MAGI1: variants seen among roughly 807,000 people sequenced by gnomAD.
The protein encoded by MAGI1 is membrane associated guanylate kinase, WW and PDZ domain containing 1, also known as membrane-associated guanylate kinase, WW and PDZ domain-containing protein 1.
A neutral mutation model predicts 139.9 loss-of-function variants in MAGI1; 58 were observed. The observed-to-expected ratio is 0.41, with a 90% CI of 0.34 to 0.52. MAGI1 has a LOEUF of 0.52. Among genes scored for constraint, MAGI1 ranks in the 20% least tolerant of loss-of-function variants. The probability of loss-of-function intolerance (pLI) is 0.12; values close to 1 mark genes in which losing one functional copy is unlikely to be tolerated. For missense variants in MAGI1, 1,874 were observed against 1,901.6 expected (o/e 0.99, Z 0.27); for synonymous variants, 812 against 737.9 (o/e 1.10, Z -1.63).
chr3:65,541,664 A>G (rs1346753525), intron 2 of MAGI1, among the ~76,000 whole-genome samples: 1 of 152,232 alleles, frequency 6.6e-6, no homozygotes, highest in Non-Finnish European at 1.5e-5. Flanking sequence ...AACCAGTGAC[A>G]AAAACCACAT....
At chr3:65,820,605 A>T (rs899049052) in intron 1 of MAGI1, among the ~76,000 whole-genome samples, 1 of 152,144 alleles carries the variant, frequency 6.6e-6, no homozygotes, top group Non-Finnish European at 1.5e-5. Context: ...TCTTAAGTCT[A>T]TTCATGCACC....
intron 1 of MAGI1, among the ~76,000 whole-genome samples, chr3:65,762,653 A>G (rs747121766): frequency 3.3e-5 from 5 of 152,172 alleles, no homozygotes; most frequent in Non-Finnish European, 7.4e-5. Context: ...TTCTTTAGTT[A>G]TATAACATGG....
chr3:65,391,112 G>C, intron 14 of MAGI1, 30 bp downstream of exon 14: 1 of 1,594,736 alleles, frequency 6.3e-7, no homozygotes, highest in Non-Finnish European at 8.6e-7. Context: ...GGAGGGGTCA[G>C]GGTAAGACAG....
chr3:65,942,198 CTAATA>C (rs1410462609), intron 1 of MAGI1, among the ~76,000 whole-genome samples: 2 of 151,264 alleles, frequency 1.3e-5, no homozygotes, highest in Admixed American at 6.6e-5. Context: ...ACTTTAATGG[CTAATA>C]TAATACCATT....
intron 1 of MAGI1, among the ~76,000 whole-genome samples, chr3:65,796,050 C>CAAAAAAAAAA (rs35663778): frequency 1.1e-4 from 11 of 102,894 alleles, no homozygotes; most frequent in African/African-American, 2.0e-4. Flanking sequence ...GACTCTGTCT[C>CAAAAAAAAAA]AAAAAAAAAA....
intron 5 of MAGI1, among the ~76,000 whole-genome samples, chr3:65,461,389 G>T (rs1949778941): frequency 6.6e-6 from 1 of 150,556 alleles, no homozygotes; most frequent in Admixed American, 6.6e-5. Context: ...CTAGTTTTTT[G>T]TATTTTTAGT....
intron 1 of MAGI1, among the ~76,000 whole-genome samples, chr3:65,997,766 TC>T (rs2066528239): frequency 6.6e-6 from 1 of 152,114 alleles, no homozygotes; most frequent in African/African-American, 2.4e-5. Flanking sequence ...TTTCCTCTTT[TC>T]CCTCTCCACA....
At chr3:65,915,308 C>G (rs1359450857) in intron 1 of MAGI1, among the ~76,000 whole-genome samples, 1 of 152,190 alleles carries the variant, frequency 6.6e-6, no homozygotes, top group Non-Finnish European at 1.5e-5. Context: ...TTTAAATACT[C>G]AATTCAGAAG....
chr3:65,910,406 T>C (rs945508685), intron 1 of MAGI1, among the ~76,000 whole-genome samples: 14 of 152,186 alleles, frequency 9.2e-5, no homozygotes, highest in Non-Finnish European at 1.6e-4. Flanking sequence ...CACAAGTCTT[T>C]CAAATGCATA....
At chr3:65,479,291 C>T (rs960380692) in intron 3 of MAGI1, among the ~76,000 whole-genome samples, 12 of 152,146 alleles carry the variant, frequency 7.9e-5, no homozygotes, top group Non-Finnish European at 1.6e-4. Flanking sequence ...GTAAACCCCA[C>T]GTGGCGCCTC....
intron 1 of MAGI1, among the ~76,000 whole-genome samples, chr3:65,726,123 T>C (rs1415960171): frequency 6.6e-6 from 1 of 152,224 alleles, no homozygotes; most frequent in Non-Finnish European, 1.5e-5. Flanking sequence ...CTGCTGCATA[T>C]GAATCAGTCT....
At chr3:65,583,609 C>T (rs774190565) in intron 2 of MAGI1, among the ~76,000 whole-genome samples, 4 of 151,806 alleles carry the variant, frequency 2.6e-5, no homozygotes, top group Non-Finnish European at 5.9e-5. Context: ...ATAAACTGAA[C>T]AGCAACAGAA....
intron 1 of MAGI1, among the ~76,000 whole-genome samples, chr3:65,639,597 T>C (rs755217014): frequency 6.6e-6 from 1 of 152,170 alleles, no homozygotes; most frequent in Non-Finnish European, 1.5e-5. Flanking sequence ...AAGGTTAACA[T>C]TTGTATCAAC....
At chr3:65,832,884 A>G (rs746968215) in intron 1 of MAGI1, among the ~76,000 whole-genome samples, 1 of 152,144 alleles carries the variant, frequency 6.6e-6, no homozygotes, top group Non-Finnish European at 1.5e-5. Context: ...GGGAGCTTGA[A>G]TCCTACTCAC....
intron 1 of MAGI1, among the ~76,000 whole-genome samples, chr3:65,999,310 A>G (rs1204352969): frequency 1.3e-5 from 2 of 152,190 alleles, no homozygotes; most frequent in Non-Finnish European, 2.9e-5. Flanking sequence ...GGATAAGGAG[A>G]GGAAAGACAG....
intron 5 of MAGI1, among the ~76,000 whole-genome samples, chr3:65,465,636 T>C (rs1950119161): frequency 6.6e-6 from 1 of 152,142 alleles, no homozygotes; most frequent in Non-Finnish European, 1.5e-5. Flanking sequence ...ATACATAGGG[T>C]GTCATTTCTC....
At chr3:65,621,153 G>T (rs898693839) in intron 2 of MAGI1, among the ~76,000 whole-genome samples, 1 of 152,196 alleles carries the variant, frequency 6.6e-6, no homozygotes, top group Non-Finnish European at 1.5e-5. Context: ...CTGGGTGATA[G>T]AGAGGAGAAA....
chr3:66,010,077 CAAAAAAAAA>C (rs60882502), intron 1 of MAGI1, among the ~76,000 whole-genome samples: 1,650 of 69,796 alleles, frequency 0.024, 36 homozygotes, highest in African/African-American at 0.092. Flanking sequence ...CTCTCTGTCT[CAAAAAAAAA>C]AAAAAAAAAA....
intron 1 of MAGI1, among the ~76,000 whole-genome samples, chr3:65,778,248 G>A (rs1023539882): frequency 6.6e-6 from 1 of 151,992 alleles, no homozygotes; most frequent in African/African-American, 2.4e-5. Context: ...TGGCCAACAT[G>A]GTGAAACTTT....
Sources: gnomAD v4.1 joint callset for allele counts (sites outside exome capture counted in the v4.1 genomes callset) on GRCh38, gnomAD v4.1.1 for gene constraint, MANE v1.5 for transcripts, NCBI Gene and HGNC (gene_info 2026-07-23, HGNC 2026-07-21) for gene names.